SYNDIG1L: variants seen among roughly 807,000 people sequenced by gnomAD.
SYNDIG1L encodes synapse differentiation-inducing gene protein 1-like.
SYNDIG1L carries 13 observed loss-of-function variants against 20.1 expected under a neutral mutation model. The observed-to-expected ratio is 0.65, with a 90% CI of 0.42 to 1.03. The LOEUF is 1.03. Among genes scored for constraint, SYNDIG1L ranks in the 50% least tolerant of loss-of-function variants. SYNDIG1L has a pLI of 0.00. For synonymous variants in SYNDIG1L, 128 were observed against 129.3 expected (o/e 0.99, Z 0.07); for missense variants, 294 against 305.1 (o/e 0.96, Z 0.27).
At chr14:74,427,536 G>A (rs556271635), upstream of SYNDIG1L, among the ~76,000 whole-genome samples, 69 of 152,234 alleles carry the variant, frequency 4.5e-4, no homozygotes, top group African/African-American at 1.6e-3. Flanking sequence ...TCCCTTCAAG[G>A]CAGGACAGAG....
At chr14:74,433,569 G>A in the SYNDIG1L span, among the ~76,000 whole-genome samples, 1 of 152,078 alleles carries the variant, frequency 6.6e-6, no homozygotes, top group Non-Finnish European at 1.5e-5. Context: ...TATTTTAGTA[G>A]AGGCGGTGTT....
At chr14:74,415,565 G>A (rs769282439) in intron 1 of SYNDIG1L, among the ~76,000 whole-genome samples, 7 of 152,042 alleles carry the variant, frequency 4.6e-5, no homozygotes, top group Non-Finnish European at 8.8e-5. Context: ...TTTTGAGACA[G>A]GGTCTTATTC....
chr14:74,453,043 G>T, the SYNDIG1L span, among the ~76,000 whole-genome samples: 35 of 152,028 alleles, frequency 2.3e-4, no homozygotes, highest in African/African-American at 8.2e-4. Flanking sequence ...CATCTATAGT[G>T]ACACAAAGAA....
chr14:74,461,047 A>G, the SYNDIG1L span, among the ~76,000 whole-genome samples: 1 of 151,966 alleles, frequency 6.6e-6, no homozygotes, highest in Non-Finnish European at 1.5e-5. Context: ...AGGGAATTCA[A>G]TTATTTGCTT....
upstream of SYNDIG1L, among the ~76,000 whole-genome samples, chr14:74,429,455 C>T (rs146104502): frequency 5.3e-4 from 81 of 152,334 alleles, no homozygotes; most frequent in African/African-American, 1.9e-3. Flanking sequence ...GGTTGATTGC[C>T]TCACAGTGTT....
At position 74,409,779 on chromosome 14, in the gene SYNDIG1L, G is replaced by A; in HGVS notation, c.-35C>T. 1 of 1,412,680 alleles carries A rather than the reference G, an allele frequency of 7.1e-7. No individual in the cohort carries two copies. The highest frequency in any genetic ancestry group is 9.3e-7 in the Non-Finnish European group (1 of 1,079,290). The allele number at this position is 1,412,680 out of a possible 1,614,324, so 87.5% of individuals were successfully genotyped here. A position where few individuals can be genotyped will look rare whatever the true frequency, so the allele number is the denominator to read the frequency against. On this transcript the variant is annotated 5_prime_UTR_variant, in exon 2 of 4. Transcript: ENST00000331628. ...GCAGCTGCTGGGGAGGGGGGCCTGG[G>A]CCAGCTGAGCAGTCCTCAGAGCCTG...
the SYNDIG1L span, among the ~76,000 whole-genome samples, chr14:74,461,244 G>A: frequency 2.0e-4 from 30 of 152,192 alleles, no homozygotes; most frequent in African/African-American, 6.7e-4. Flanking sequence ...CACCGCGCCC[G>A]TCCATCACAC....
chr14:74,453,966 A>AAAAAAC, the SYNDIG1L span, among the ~76,000 whole-genome samples: 11 of 152,312 alleles, frequency 7.2e-5, no homozygotes, highest in African/African-American at 1.7e-4. Flanking sequence ...ATTCTGTCTC[A>AAAAAAC]AAAAACAAAA....
At chr14:74,419,497 T>C (rs1330463645) in intron 1 of SYNDIG1L, among the ~76,000 whole-genome samples, 1 of 152,242 alleles carries the variant, frequency 6.6e-6, no homozygotes, top group Non-Finnish European at 1.5e-5. Flanking sequence ...GGAATACATC[T>C]GGCTGAGGCA....
chr14:74,419,149 C>T (rs2139628725), intron 1 of SYNDIG1L, among the ~76,000 whole-genome samples: 1 of 152,328 alleles, frequency 6.6e-6, no homozygotes, highest in Admixed American at 6.5e-5. Flanking sequence ...TCAAAGGTCA[C>T]TTCCTTAGAG....
Position 74,405,998 on chromosome 14 carries a change from G to T in SYNDIG1L, c.*1537C>A, listed in dbSNP as rs575072674. On this transcript the variant is annotated 3_prime_UTR_variant, in exon 4 of 4. Coordinates refer to ENST00000331628, the MANE Select transcript of SYNDIG1L (RefSeq NM_001105579.2). ...GAGGGCTGGGCAGTGCCCGAGGCAG[G>T]GGAGGACAGTGGGACAAGGGATGCT... 42 of 398,930 alleles carry T rather than the reference G, an allele frequency of 1.1e-4. No individual in the cohort carries two copies. Among genetic ancestry groups the T allele is most frequent in the African/African-American group, 8.0e-4 (39 of 48,754 alleles). The allele number at this position is 398,930 out of a possible 1,614,324, so 24.7% of individuals were successfully genotyped here. A position where few individuals can be genotyped will look rare whatever the true frequency, so the allele number is the denominator to read the frequency against.
intron 1 of SYNDIG1L, 40 bp from the exon 2 acceptor site, chr14:74,409,841 C>T: frequency 7.6e-7 from 1 of 1,316,474 alleles, no homozygotes; most frequent in Non-Finnish European, 9.8e-7. Flanking sequence ...GAGGCCAGGG[C>T]ACTGGAGGCA....
upstream of SYNDIG1L, among the ~76,000 whole-genome samples, chr14:74,427,712 T>C (rs1020244673): frequency 1.7e-4 from 26 of 152,104 alleles, no homozygotes; most frequent in Non-Finnish European, 3.7e-4. Context: ...GGCCCATACT[T>C]CATCTTCACA....
the SYNDIG1L span, among the ~76,000 whole-genome samples, chr14:74,460,589 C>T: frequency 1.3e-5 from 2 of 152,172 alleles, no homozygotes; most frequent in African/African-American, 4.8e-5. Flanking sequence ...TTTCTTTTCT[C>T]CTCGTATTGA....
the SYNDIG1L span, among the ~76,000 whole-genome samples, chr14:74,466,847 C>T: frequency 1.2e-3 from 182 of 152,340 alleles, no homozygotes; most frequent in African/African-American, 4.3e-3. Flanking sequence ...TGCTCAATCA[C>T]ACATTGGAAA....
chr14:74,453,586 T>G, the SYNDIG1L span, among the ~76,000 whole-genome samples: 1 of 152,056 alleles, frequency 6.6e-6, no homozygotes, highest in Non-Finnish European at 1.5e-5. Context: ...CTTAAATATA[T>G]GACACTTATT....
chr14:74,457,055 A>T, the SYNDIG1L span, among the ~76,000 whole-genome samples: 1 of 152,208 alleles, frequency 6.6e-6, no homozygotes, highest in Non-Finnish European at 1.5e-5. Context: ...ATGCATGCTA[A>T]GCATCTGGGG....
At chr14:74,443,094 G>A in the SYNDIG1L span, among the ~76,000 whole-genome samples, 383 of 152,326 alleles carry the variant, frequency 2.5e-3, 1 homozygote, top group African/African-American at 8.7e-3. Flanking sequence ...CTATACATAT[G>A]CATGAGATGC....
chr14:74,423,710 AC>A (rs1439475478), intron 1 of SYNDIG1L, among the ~76,000 whole-genome samples: 2 of 152,118 alleles, frequency 1.3e-5, no homozygotes, highest in African/African-American at 2.4e-5. Flanking sequence ...ACACACACAC[AC>A]ACACGTAACA....
Sources: gnomAD v4.1 joint callset for allele counts (sites outside exome capture counted in the v4.1 genomes callset) on GRCh38, gnomAD v4.1.1 for gene constraint, MANE v1.5 for transcripts, NCBI Gene and HGNC (gene_info 2026-07-23, HGNC 2026-07-21) for gene names.